STK11: variants seen among roughly 807,000 people sequenced by gnomAD.
STK11 encodes serine/threonine kinase 11, also known as serine/threonine-protein kinase STK11.
In STK11, 8 loss-of-function variants were observed where a neutral mutation model predicts 47.3. The observed-to-expected ratio is 0.17, with a 90% CI of 0.10 to 0.31. STK11 has a LOEUF of 0.31. Among genes scored for constraint, STK11 ranks in the 10% least tolerant of loss-of-function variants. STK11 has a pLI of 1.00. For synonymous variants in STK11, 330 were observed against 255.8 expected, an observed-to-expected ratio of 1.29 and a Z score of -2.77; for missense variants, 475 against 605.0, an observed-to-expected ratio of 0.79 and a Z score of 2.25.
intron 8 of STK11, chr19:1,225,335 C>T (rs1233206764): frequency 3.0e-5 from 29 of 959,378 alleles, no homozygotes; most frequent in Admixed American, 1.9e-4. Flanking sequence ...TGCTGTGGTG[C>T]GATCTCGGCT....
At chr19:1,207,974 G>C (rs1056630830) in intron 1 of STK11, among the ~76,000 whole-genome samples, 1 of 152,236 alleles carries the variant, frequency 6.6e-6, no homozygotes, top group African/African-American at 2.4e-5. Context: ...CTCCCAGCTG[G>C]TGGGGGTGGC....
At position 1,226,475 on chromosome 19, in the gene STK11, C is replaced by G. The variant is rs199973552; in HGVS notation, c.1130C>G (p.Ala377Gly). The change falls in exon 9 of 10, where the codon GCC becomes GGC. Residue 377 changes from alanine to glycine, a missense_variant. Physicochemically the swap from Ala to Gly is moderately conservative, Grantham distance 60. Around this residue, in one of 5 missense-constraint regions of STK11, gnomAD observed 219 missense variants for 189.2 expected, o/e 1.16. Coordinates refer to ENST00000326873, the MANE Select transcript of STK11 (RefSeq NM_000455.5). ...CCAGGACAGGTCCCAGAAGAGGAGG[C>G]CAGTCACAATGGACAGCGCCGGGGC... is the stretch of plus-strand genomic sequence containing the variant. ...TVPGQVPEEE[A>G]SHNGQRRGLP... 1 of 1,611,276 alleles carries G rather than the reference C, an allele frequency of 6.2e-7. No homozygotes were observed. Among genetic ancestry groups the G allele is most frequent in the African/African-American group, 1.3e-5 (1 of 75,028 alleles).
chr19:1,207,463 A>G (rs1374067902), intron 1 of STK11, among the ~76,000 whole-genome samples: 1 of 152,160 alleles, frequency 6.6e-6, no homozygotes, highest in Non-Finnish European at 1.5e-5. Flanking sequence ...ATGCCCTGGT[A>G]GCGAAACCCT....
chr19:1,216,902 T>C (rs1372701170), intron 1 of STK11, among the ~76,000 whole-genome samples: 1 of 151,094 alleles, frequency 6.6e-6, no homozygotes. Context: ...ATCCTCAAGG[T>C]GCAGCTAGGC....
chr19:1,218,073 G>A (rs1339733307), intron 1 of STK11, among the ~76,000 whole-genome samples: 1 of 152,082 alleles, frequency 6.6e-6, no homozygotes, highest in African/African-American at 2.4e-5. Flanking sequence ...GAACCTGGGA[G>A]GCAGAGGTTG....
chr19:1,219,713 T>G (rs2080769481), intron 3 of STK11, among the ~76,000 whole-genome samples: 1 of 151,798 alleles, frequency 6.6e-6, no homozygotes. Context: ...GCCCGGCTAA[T>G]TTTTTGTATT....
intron 8 of STK11, chr19:1,225,083 A>G: frequency 3.0e-6 from 3 of 986,050 alleles, no homozygotes; most frequent in Non-Finnish European, 3.6e-6. Context: ...GATCCCAGGG[A>G]AGGGGCTTGG....
At chr19:1,219,060 T>C (rs2080763097) in intron 2 of STK11, among the ~76,000 whole-genome samples, 2 of 152,088 alleles carry the variant, frequency 1.3e-5, no homozygotes. Flanking sequence ...CCCCCGCCCA[T>C]GGGCAGGGTG....
chr19:1,226,936 G>T, intron 9 of STK11: 1 of 462,672 alleles, frequency 2.2e-6, no homozygotes, highest in South Asian at 3.1e-5. Context: ...CTCAGAGTGG[G>T]TGCATTCCGA....
chr19:1,224,563 C>T, intron 8 of STK11: 1 of 985,544 alleles, frequency 1.0e-6, no homozygotes, highest in Non-Finnish European at 1.2e-6. Flanking sequence ...AGAGTCCCTA[C>T]TGGGACGTGG....
At chr19:1,227,432 G>T in intron 9 of STK11, 161 bp from the exon 10 acceptor site, 2 of 680,604 alleles carry the variant, frequency 2.9e-6, no homozygotes, top group Non-Finnish European at 3.8e-6. Flanking sequence ...AATGTACCCC[G>T]GGAGTGACTC....
intron 1 of STK11, among the ~76,000 whole-genome samples, chr19:1,211,454 G>A (rs2080709680): frequency 5.0e-5 from 2 of 39,672 alleles, no homozygotes; most frequent in South Asian, 1.2e-3. Flanking sequence ...GCCCACAGTG[G>A]GGTTCTGGGG....
At chr19:1,209,568 C>T (rs184528337) in intron 1 of STK11, among the ~76,000 whole-genome samples, 32 of 151,066 alleles carry the variant, frequency 2.1e-4, no homozygotes, top group African/African-American at 7.8e-4. Flanking sequence ...GGCGACACAG[C>T]GAGACTCTGT....
chr19:1,225,664 G>A (rs185109934), intron 8 of STK11: 11 of 985,556 alleles, frequency 1.1e-5, no homozygotes, highest in East Asian at 1.1e-4. Context: ...GTCCATTCTC[G>A]GAGCTGGGGC....
chr19:1,213,331 A>G (rs906760112), intron 1 of STK11, among the ~76,000 whole-genome samples: 1 of 152,162 alleles, frequency 6.6e-6, no homozygotes, highest in African/African-American at 2.4e-5. Flanking sequence ...ATTCAGTGGC[A>G]TATAGTACAT....
chr19:1,221,653 C>T (rs970639153), intron 6 of STK11: 29 of 586,134 alleles, frequency 4.9e-5, no homozygotes, highest in East Asian at 8.5e-5. Flanking sequence ...GCACTTCCTA[C>T]GCATGGCAGC....
chr19:1,219,543 T>TG (rs2080767852), intron 3 of STK11, 130 bp downstream of exon 3: 2 of 959,478 alleles, frequency 2.1e-6, no homozygotes, highest in Non-Finnish European at 3.0e-6. Flanking sequence ...TTTGTTTTTT[T>TG]GTTTTTTTGT....
intron 1 of STK11, among the ~76,000 whole-genome samples, chr19:1,216,769 G>T (rs1440936947): frequency 6.6e-6 from 1 of 151,448 alleles, no homozygotes; most frequent in Non-Finnish European, 1.5e-5. Flanking sequence ...TTGCGGGGCT[G>T]AGATGGGAGG....
At chr19:1,217,058 T>C (rs890753886) in intron 1 of STK11, among the ~76,000 whole-genome samples, 1 of 151,944 alleles carries the variant, frequency 6.6e-6, no homozygotes, top group Non-Finnish European at 1.5e-5. Flanking sequence ...GAGCATCTCG[T>C]GCTCCGTTTC....
Sources: allele counts gnomAD v4.1 joint callset (sites outside exome capture counted in the v4.1 genomes callset), GRCh38; gene constraint gnomAD v4.1.1; regional missense constraint gnomAD v4.1.1; transcripts MANE v1.5; gene names NCBI Gene and HGNC (gene_info 2026-07-23, HGNC 2026-07-21).